Variants in YIF1A observed in about 807,000 individuals in gnomAD.
The protein encoded by YIF1A is protein YIF1A.
YIF1A carries 28 observed loss-of-function variants against 32.6 expected under a neutral mutation model. The ratio of observed to expected loss-of-function variants is 0.86; its 90% CI spans 0.64 to 1.18. YIF1A has a LOEUF of 1.18. Among genes scored for constraint, YIF1A ranks in the 50% most tolerant of loss-of-function variants. The probability of loss-of-function intolerance (pLI) is 0.00; values close to 1 mark genes in which losing one functional copy is unlikely to be tolerated. For missense variants in YIF1A, 373 were observed against 390.8 expected, an observed-to-expected ratio of 0.95 and a Z score of 0.38; for synonymous variants, 175 against 162.2, an observed-to-expected ratio of 1.08 and a Z score of -0.60.
At chr11:66,286,080 C>G (rs1401753120) in intron 4 of YIF1A, among the ~76,000 whole-genome samples, 1 of 152,228 alleles carries the variant, frequency 6.6e-6, no homozygotes, top group African/African-American at 2.4e-5. Flanking sequence ...ATACAGGGAC[C>G]AAACTGGTTT....
intron 1 of YIF1A, 50 bp from the exon 2 acceptor site, chr11:66,288,342 C>T: frequency 1.4e-5 from 22 of 1,606,520 alleles, no homozygotes; most frequent in Non-Finnish European, 1.9e-5. Flanking sequence ...CAAGCATGAG[C>T]CCAAACCACC....
intron 1 of YIF1A, among the ~76,000 whole-genome samples, chr11:66,288,602 T>G (rs562748841): frequency 6.6e-6 from 1 of 152,298 alleles, no homozygotes; most frequent in Non-Finnish European, 1.5e-5. Context: ...AGAAGTGTGC[T>G]AGGTGAAAAT....
At chr11:66,288,789 A>C (rs1255090643) in intron 1 of YIF1A, among the ~76,000 whole-genome samples, 166 bp downstream of exon 1, 1 of 152,138 alleles carries the variant, frequency 6.6e-6, no homozygotes, top group Non-Finnish European at 1.5e-5. Context: ...GACTGGGCCG[A>C]GAGGGCGAAG....
At chr11:66,286,449 T>C (rs904061808) in intron 4 of YIF1A, among the ~76,000 whole-genome samples, 2 of 152,132 alleles carry the variant, frequency 1.3e-5, no homozygotes, top group African/African-American at 4.8e-5. Flanking sequence ...AAACCCTGTC[T>C]CTACTAAAAA....
At position 66,284,969 on chromosome 11, in the gene YIF1A, G is replaced by A; in HGVS notation, c.642-3C>T. 6.2e-7 allele frequency: 1 copy of A among 1,613,000 alleles called. No homozygotes were observed. The highest frequency in any genetic ancestry group is 1.1e-5 in the South Asian group (1 of 91,078). ...CCGTGAGCACACTGAGGATCATTCT[G>A]GGGGTGGGAGGAGGAAAGGGTTGGT... On this transcript the variant is annotated splice_region_variant and splice_polypyrimidine_tract_variant and intron_variant, in intron 6 of 7. Coordinates refer to ENST00000376901, the MANE Select transcript of YIF1A (RefSeq NM_020470.3).
intron 4 of YIF1A, 99 bp from the exon 5 acceptor site, chr11:66,285,857 T>A: frequency 7.3e-7 from 1 of 1,362,144 alleles, no homozygotes; most frequent in Non-Finnish European, 1.0e-6. Flanking sequence ...CTTCCTTCTC[T>A]GAATAGCCCA....
intron 6 of YIF1A, 118 bp from the exon 7 acceptor site, chr11:66,285,084 A>C: frequency 1.8e-6 from 2 of 1,111,378 alleles, no homozygotes; most frequent in Non-Finnish European, 1.3e-6. Context: ...TTTTACTCTC[A>C]ATCTGTCCCC....
intron 4 of YIF1A, among the ~76,000 whole-genome samples, chr11:66,286,729 CAAT>C (rs1161661213): frequency 7.2e-5 from 11 of 152,196 alleles, no homozygotes; most frequent in Admixed American, 7.2e-4. Flanking sequence ...TTTGAGGCCT[CAAT>C]GATACTGAAG....
Position 66,284,937 on chromosome 11 carries a change from A to G in YIF1A, c.671T>C (p.Leu224Pro). 1 of 1,613,354 alleles carries G rather than the reference A, an allele frequency of 6.2e-7. No homozygotes were observed. ...CACGTAGTAGCCATCGCTGCCGAAC[A>G]GCAGCCCCGTGAGCACACTGAGGAT... ...GMILSVLTGLLFGSDGYYVAL... is the reference protein window; with the variant it reads ...GMILSVLTGLPFGSDGYYVAL... Residue 224 changes from leucine (L) to proline (P), a missense_variant, in exon 7 of 8, where the codon CTG becomes CCG. Transcript: ENST00000376901.
chr11:66,285,283 G>A, intron 6 of YIF1A, 98 bp downstream of exon 6: 4 of 1,520,062 alleles, frequency 2.6e-6, no homozygotes, highest in Non-Finnish European at 2.7e-6. Flanking sequence ...AGTGCTAGAG[G>A]TCACTAGGGG....
In YIF1A at chr11:66,289,078, C is replaced by A; in HGVS notation, c.-93G>T. 1.4e-6 allele frequency: 2 copies of A among 1,446,118 alleles called. No homozygotes were observed. The highest frequency in any genetic ancestry group is 2.7e-5 in the South Asian group (2 of 74,610). The allele number at this position is 1,446,118 out of a possible 1,614,324, so 89.6% of individuals were successfully genotyped here. On this transcript the variant is annotated 5_prime_UTR_variant, in exon 1 of 8. Transcript: ENST00000376901. Reference sequence around the variant, plus strand: ...GCTGCTCCGCGCCCAGGGTACCGACCGAGGCCACCCGGCCGCGCGACACGT... The same window carrying A: ...GCTGCTCCGCGCCCAGGGTACCGACAGAGGCCACCCGGCCGCGCGACACGT...
rs752575653 is a variant in YIF1A at position 66,287,578 on chromosome 11, A to C, written c.427+20T>G. 3 of 1,327,962 alleles carry C rather than the reference A, an allele frequency of 2.3e-6. No individual in the cohort carries two copies. 82.3% of individuals were successfully genotyped at this position (1,327,962 alleles called of 1,614,324 possible). A position where few individuals can be genotyped will look rare whatever the true frequency, so the allele number is the denominator to read the frequency against. Reference sequence around the variant, plus strand: ...CCGACCCCACCCCACCACGTTCCCCAGCCCAGGTTGGAGACTCACTGGGGA... The same window carrying C: ...CCGACCCCACCCCACCACGTTCCCCCGCCCAGGTTGGAGACTCACTGGGGA... On this transcript the variant is annotated intron_variant, in intron 4 of 7. Coordinates refer to ENST00000376901, the MANE Select transcript of YIF1A (RefSeq NM_020470.3).
intron 6 of YIF1A, 160 bp downstream of exon 6, chr11:66,285,221 C>T: frequency 8.5e-7 from 1 of 1,177,016 alleles, no homozygotes. Context: ...CTCTGCATGG[C>T]ACGCAGATCC....
chr11:66,285,161 C>T, intron 6 of YIF1A, 195 bp from the exon 7 acceptor site: 1 of 878,282 alleles, frequency 1.1e-6, no homozygotes, highest in Non-Finnish European at 1.7e-6. Context: ...GGATCTGAGA[C>T]CCCCTTCTCT....
Position 66,285,427 on chromosome 11 carries a change from G to C in YIF1A, c.595C>G (p.Leu199Val). The change falls in exon 6 of 8, where the codon CTG (leucine) becomes GTG (valine). Residue 199 changes from leucine to valine, a missense_variant. Coordinates refer to ENST00000376901, the MANE Select transcript of YIF1A (RefSeq NM_020470.3). Reference sequence around the variant, plus strand: ...TAGGCCAGCAGGTGAAAGGTGCTCAGGTCACTGCGCACGGTGGCCAGGTAG... The same window carrying C: ...TAGGCCAGCAGGTGAAAGGTGCTCACGTCACTGCGCACGGTGGCCAGGTAG... ...GLYLATVRSD[L>V]STFHLLAYSG... 6.2e-7 allele frequency: 1 copy of C among 1,613,470 alleles called. No individual in the cohort carries two copies. The highest frequency in any genetic ancestry group is 8.5e-7 in the Non-Finnish European group (1 of 1,180,030).
At chr11:66,285,310 G>A in intron 6 of YIF1A, 71 bp downstream of exon 6, 1 of 1,564,938 alleles carries the variant, frequency 6.4e-7, no homozygotes, top group Non-Finnish European at 8.7e-7. Flanking sequence ...CATGTCCAGG[G>A]TCACAGTTCG....
intron 6 of YIF1A, 24 bp from the exon 7 acceptor site, chr11:66,284,990 T>G (rs752195224): frequency 3.7e-6 from 6 of 1,611,674 alleles, no homozygotes; most frequent in African/African-American, 2.7e-5. Context: ...GAGGAAAGGG[T>G]TGGTGACCCC....
chr11:66,287,551 CCCCGA>C, intron 4 of YIF1A, 42 bp downstream of exon 4: 19 of 1,558,844 alleles, frequency 1.2e-5, no homozygotes, highest in South Asian at 2.3e-5. Flanking sequence ...CACAAGTCCC[CCCCGA>C]CCCCACCCCA....
In YIF1A at chr11:66,285,510, C is replaced by T. The variant is rs1217362339; in HGVS notation, c.512G>A (p.Cys171Tyr). The T allele has an allele frequency of 6.2e-7, 1 of 1,613,114 alleles. No individual in the cohort carries two copies. Among genetic ancestry groups the T allele is most frequent in the Admixed American group, 1.7e-5 (1 of 60,028 alleles). ...CACCCACACCAGCGCTGTGCTTGCA[C>T]ACAGGCCCAGCACCTCCGGGGAGAA... ...KRFSPEVLGL[C>Y]ASTALVWVVM... Residue 171 changes from cysteine to tyrosine, a missense_variant, in exon 6 of 8, where the codon TGT (cysteine) becomes TAT (tyrosine). By Grantham distance (194) the Cys-to-Tyr change is radical (BLOSUM62 -2). Transcript: ENST00000376901.
Sources: allele counts gnomAD v4.1 joint callset (sites outside exome capture counted in the v4.1 genomes callset), GRCh38; gene constraint gnomAD v4.1.1; transcripts MANE v1.5; gene names NCBI Gene and HGNC (gene_info 2026-07-23, HGNC 2026-07-21).